Variants in GPSM2 observed in about 807,000 individuals in gnomAD.
The protein encoded by GPSM2 is G protein-signaling modulator 2.
Under a neutral mutation model 78.4 loss-of-function variants are expected in GPSM2, and 58 were observed. The ratio of observed to expected loss-of-function variants is 0.74; its 90% confidence interval spans 0.60 to 0.92. GPSM2 has a LOEUF of 0.92. Ranked by LOEUF, GPSM2 falls within the 40% of genes least tolerant of loss-of-function variation. The probability of loss-of-function intolerance (pLI) is 0.00; values close to 1 mark genes in which losing one functional copy is unlikely to be tolerated. For missense variants in GPSM2, 700 were observed against 815.5 expected (o/e 0.86, Z 1.73); for synonymous variants, 224 against 280.2 (o/e 0.80, Z 2.00).
chr1:108,930,091 A>C lies in GPSM2; in HGVS notation c.*151A>C. The C allele has an allele frequency of 1.4e-6, 1 of 727,618 alleles. No homozygotes were observed. The highest frequency in any genetic ancestry group is 2.2e-6 in the Non-Finnish European group (1 of 445,946). 45.1% of individuals were successfully genotyped at this position (727,618 alleles called of 1,614,324 possible). On this transcript the variant is annotated 3_prime_UTR_variant, in exon 15 of 15. Coordinates refer to ENST00000264126, the MANE Select transcript of GPSM2 (RefSeq NM_013296.5). ...TTAACCTTCAGTAGTCTATTAAGGC[A>C]TTAATACTTCTCTGGACATGCGCGT... is the stretch of plus-strand genomic sequence containing the variant.
intron 8 of GPSM2, among the ~76,000 whole-genome samples, chr1:108,902,379 C>CAAA (rs5776957): frequency 1.3e-5 from 1 of 76,858 alleles, no homozygotes; most frequent in African/African-American, 4.7e-5. Flanking sequence ...GACTGCATCT[C>CAAA]AAAAAAAAAA....
intron 10 of GPSM2, among the ~76,000 whole-genome samples, chr1:108,908,081 A>T (rs1259636698): frequency 3.3e-5 from 5 of 152,260 alleles, no homozygotes; most frequent in Admixed American, 2.6e-4. Context: ...TTAAAAATAC[A>T]CATACAGGGG....
At chr1:108,915,464 T>C (rs781765714) in intron 11 of GPSM2, among the ~76,000 whole-genome samples, 1 of 151,014 alleles carries the variant, frequency 6.6e-6, no homozygotes, top group African/African-American at 2.4e-5. Context: ...GTCTCGCTCT[T>C]TGGCCAGGCT....
intron 12 of GPSM2, among the ~76,000 whole-genome samples, chr1:108,921,416 CA>C (rs11312751): frequency 0.61 from 89,954 of 146,880 alleles, 29,168 homozygotes; most frequent in East Asian, 0.93. Flanking sequence ...CGAGACTCCT[CA>C]AAAAAAAAAA....
intron 5 of GPSM2, 116 bp downstream of exon 5, chr1:108,898,217 T>A: frequency 1.0e-6 from 1 of 963,870 alleles, no homozygotes; most frequent in Non-Finnish European, 1.7e-6. Flanking sequence ...AGTTATGAAC[T>A]AGCAAAATCA....
In GPSM2 at chr1:108,897,807, G is replaced by GTCTT. The variant is rs1356875703; in HGVS notation, c.415-149_415-146dup. ...GAGAAAAAGAAGGAAATAGTAAGAG[G>GTCTT]TCTTTCATAAGTAATTATTTGATTG... On this transcript the variant is annotated intron_variant, in intron 4 of 14. Transcript: ENST00000264126. The GTCTT allele has an allele frequency of 2.3e-5, 21 of 902,418 alleles. No homozygotes were observed. The African/African-American group carries it at 3.4e-4, about 15-fold the overall frequency. 55.9% of individuals were successfully genotyped at this position (902,418 alleles called of 1,614,324 possible). A position where few individuals can be genotyped will look rare whatever the true frequency, so the allele number is the denominator to read the frequency against.
chr1:108,922,725 A>C (rs888922586), intron 13 of GPSM2, 149 bp downstream of exon 13: 1 of 783,600 alleles, frequency 1.3e-6, no homozygotes, highest in African/African-American at 1.7e-5. Flanking sequence ...ATACAGTTCA[A>C]ACAAGGTTTT....
intron 13 of GPSM2, among the ~76,000 whole-genome samples, chr1:108,923,096 G>A (rs941928652): frequency 2.0e-5 from 3 of 152,132 alleles, no homozygotes; most frequent in African/African-American, 7.2e-5. Flanking sequence ...GGCCATGATC[G>A]TAGTCAGTGC....
At position 108,931,630 on chromosome 1, in the gene GPSM2, A is replaced by AAG; in HGVS notation, c.*1691_*1692insGA. On this transcript the variant is annotated 3_prime_UTR_variant, in exon 15 of 15. Transcript: ENST00000264126. ...ATTAATTACATTAAGTGCTCAGCTA[A>AAG]AAAAAAAAAAAAAGTTCTAAATTAC... is the stretch of plus-strand genomic sequence containing the variant. 2.0e-5 allele frequency: 15 copies of AAG among 732,770 alleles called. No homozygotes were observed. The highest frequency in any genetic ancestry group is 2.8e-5 in the Non-Finnish European group (15 of 544,014). 45.4% of individuals were successfully genotyped at this position (732,770 alleles called of 1,614,324 possible).
chr1:108,889,834 G>A (rs561913836), intron 2 of GPSM2, among the ~76,000 whole-genome samples: 2 of 151,326 alleles, frequency 1.3e-5, no homozygotes, highest in Non-Finnish European at 2.9e-5. Flanking sequence ...CTAGTCACCC[G>A]GCCAAGCTGA....
chr1:108,908,942 G>C (rs1312768261), intron 10 of GPSM2, among the ~76,000 whole-genome samples: 1 of 150,438 alleles, frequency 6.6e-6, no homozygotes, highest in African/African-American at 2.5e-5. Flanking sequence ...AGTTTAGACC[G>C]ACCTGGGCAC....
intron 7 of GPSM2, among the ~76,000 whole-genome samples, 186 bp from the exon 8 acceptor site, chr1:108,901,604 G>C (rs1648826334): frequency 1.3e-5 from 2 of 152,110 alleles, no homozygotes; most frequent in South Asian, 4.1e-4. Flanking sequence ...TCTTCTTTCT[G>C]TGTTTCAAAA....
At chr1:108,878,187 T>A (rs1665724902) in intron 1 of GPSM2, among the ~76,000 whole-genome samples, 2 of 152,200 alleles carry the variant, frequency 1.3e-5, no homozygotes, top group Admixed American at 1.3e-4. Flanking sequence ...GGAGCAGCTT[T>A]AGTTGATTGT....
Position 108,897,499 on chromosome 1 carries a change from G to A in GPSM2, c.286G>A (p.Gly96Arg), listed in dbSNP as rs1160781980. The stretch of plus-strand genomic sequence containing the variant: ...GTTTTTTGTTTTTTTCAGGACTATT[G>A]GAGACCAGCTGGGGGAAGCGAAAGC... ...HHDLTLARTI[G>R]DQLGEAKASG... is the part of the protein sequence containing the mutation. Residue 96 changes from glycine to arginine, a missense_variant, in exon 4 of 15, where the codon GGA becomes AGA. By Grantham distance (125) the Gly-to-Arg change is moderately radical. Coordinates refer to ENST00000264126, the MANE Select transcript of GPSM2 (RefSeq NM_013296.5). 3 of 1,611,398 alleles carry A rather than the reference G, an allele frequency of 1.9e-6. No individual in the cohort carries two copies. Among genetic ancestry groups the A allele is most frequent in the Non-Finnish European group, 8.5e-7 (1 of 1,179,012 alleles).
In GPSM2 at chr1:108,885,479, C is replaced by A; in HGVS notation, c.-44C>A. 1 of 1,126,560 alleles carries A rather than the reference C, an allele frequency of 8.9e-7. No individual in the cohort carries two copies. Among genetic ancestry groups the A allele is most frequent in the Admixed American group, 1.7e-5 (1 of 58,338 alleles). The allele number at this position is 1,126,560 out of a possible 1,614,324, so 69.8% of individuals were successfully genotyped here. On this transcript the variant is annotated 5_prime_UTR_variant, in exon 2 of 15. Transcript: ENST00000264126. ...TACATTGTAAAGGACTGGATTGGCA[C>A]AAAATAAAATAATTTTATTTTATTC...
rs1648505938 is a variant in GPSM2, at chr1:108,898,024, T to C, written c.480T>C (p.Gly160=). The C allele has an allele frequency of 6.2e-7, 1 of 1,613,752 alleles. No homozygotes were observed. The highest frequency in any genetic ancestry group is 1.3e-5 in the African/African-American group (1 of 74,936). ...ATCATGCCAAAGGGAAAAGTTTTGG[T>C]TGCCCTGGTCCCCAGGATGTAGGAG... ...NVYHAKGKSF[G]CPGPQDVGEF... Residue 160 remains glycine, a synonymous_variant, in exon 5 of 15, where the codon GGT becomes GGC. Transcript: ENST00000264126.
intron 2 of GPSM2, among the ~76,000 whole-genome samples, chr1:108,887,857 A>G (rs1420902730): frequency 6.6e-6 from 1 of 152,214 alleles, no homozygotes; most frequent in Non-Finnish European, 1.5e-5. Context: ...CTTTGTAAAC[A>G]TGATAACCAA....
chr1:108,916,204 AGCCATGATTGTG>A, intron 11 of GPSM2, among the ~76,000 whole-genome samples: 1 of 152,102 alleles, frequency 6.6e-6, no homozygotes, highest in African/African-American at 2.4e-5. Context: ...GGTTGCAATA[AGCCATGATTGTG>A]GCACTGCACT....
intron 2 of GPSM2, among the ~76,000 whole-genome samples, chr1:108,887,452 C>T (rs1458272087): frequency 5.3e-5 from 8 of 152,152 alleles, no homozygotes; most frequent in Admixed American, 3.9e-4. Context: ...GCACCAAGTG[C>T]GATGTCCCCA....
Sources: allele counts gnomAD v4.1 joint callset (sites outside exome capture counted in the v4.1 genomes callset), GRCh38; gene constraint gnomAD v4.1.1; transcripts MANE v1.5; gene names NCBI Gene and HGNC (gene_info 2026-07-23, HGNC 2026-07-21).